Variants in RAPSN observed in about 807,000 individuals in gnomAD.
The protein encoded by RAPSN is 43 kDa receptor-associated protein of the synapse.
Under a neutral mutation model 45.7 loss-of-function variants are expected in RAPSN, and 33 were observed. The ratio of observed to expected loss-of-function variants is 0.72; its 90% CI spans 0.55 to 0.97. RAPSN has a LOEUF of 0.97. Among genes scored for constraint, RAPSN ranks in the 50% least tolerant of loss-of-function variants. RAPSN has a pLI of 0.00. For missense variants in RAPSN, 519 were observed against 559.4 expected (o/e 0.93, Z 0.73); for synonymous variants, 244 against 233.6 (o/e 1.04, Z -0.40).
chr11:47,438,412 TC>T (rs1209130469), intron 7 of RAPSN: 2 of 566,952 alleles, frequency 3.5e-6, no homozygotes, highest in Non-Finnish European at 6.3e-6. Context: ...AGCCTCTGCC[TC>T]CCGGGTTCAA....
intron 2 of RAPSN, among the ~76,000 whole-genome samples, chr11:47,446,546 G>C (rs1009862705): frequency 2.6e-5 from 4 of 152,084 alleles, no homozygotes; most frequent in Middle Eastern, 6.8e-3. Flanking sequence ...GCATCTACTG[G>C]GGCCAGGCAT....
chr11:47,448,867 A>G lies in RAPSN; in HGVS notation c.98T>C (p.Leu33Pro). The stretch of plus-strand genomic sequence containing the variant: ...CCCCATGAGGTCCGAGCTCTTCTCC[A>G]GCACCTTTGTCCACACCTGCAATGC... ...EKALQVWTKV[L>P]EKSSDLMGRF... The change falls in exon 1 of 8, where the codon CTG (leucine) becomes CCG (proline). Residue 33 changes from leucine (L) to proline (P), a missense_variant. By Grantham distance (98) the Leu-to-Pro change is moderately conservative. Coordinates refer to ENST00000298854, the MANE Select transcript of RAPSN (RefSeq NM_005055.5). The G allele has an allele frequency of 6.2e-7, 1 of 1,614,186 alleles. No homozygotes were observed. Among genetic ancestry groups the G allele is most frequent in the Non-Finnish European group, 8.5e-7 (1 of 1,180,034 alleles).
At chr11:47,441,267 T>G in intron 5 of RAPSN, 55 bp from the exon 6 acceptor site, 1 of 1,605,288 alleles carries the variant, frequency 6.2e-7, no homozygotes, top group South Asian at 1.1e-5. Flanking sequence ...CAGGCCTTGC[T>G]CACAGGGAAG....
At chr11:47,447,719 G>T (rs1317650236) in intron 2 of RAPSN, 93 bp downstream of exon 2, 4 of 1,380,058 alleles carry the variant, frequency 2.9e-6, no homozygotes, top group Non-Finnish European at 4.0e-6. Context: ...TCCCTAAAAG[G>T]AGGGCTGAAT....
At chr11:47,441,287 G>A in intron 5 of RAPSN, 75 bp from the exon 6 acceptor site, 8 of 1,579,444 alleles carry the variant, frequency 5.1e-6, no homozygotes, top group Non-Finnish European at 6.9e-6. Context: ...GCACAGGGTA[G>A]GGGGGCAGGC....
intron 2 of RAPSN, among the ~76,000 whole-genome samples, chr11:47,445,756 T>C (rs1280713943): frequency 6.6e-6 from 1 of 152,158 alleles, no homozygotes; most frequent in Non-Finnish European, 1.5e-5. Context: ...GAAACTAAGA[T>C]TTTTCATCTA....
chr11:47,441,773 G>T (rs537617339), intron 4 of RAPSN, 40 bp from the exon 5 acceptor site: 2 of 1,598,918 alleles, frequency 1.3e-6, no homozygotes, highest in Non-Finnish European at 1.7e-6. Flanking sequence ...GCTGTATCAG[G>T]CCTGTGCCCC....
intron 1 of RAPSN, among the ~76,000 whole-genome samples, 200 bp from the exon 2 acceptor site, chr11:47,448,350 C>A (rs1037607959): frequency 2.0e-5 from 3 of 152,124 alleles, no homozygotes; most frequent in Admixed American, 6.6e-5. Flanking sequence ...CCCAGCCTCA[C>A]CTCCCAAGCT....
At position 47,437,990 on chromosome 11, in the gene RAPSN, C is replaced by A. The variant is rs1245755651; in HGVS notation, c.1224G>T (p.Lys408Asn). 2.6e-6 allele frequency: 4 copies of A among 1,550,778 alleles called. No individual in the cohort carries two copies. Among genetic ancestry groups the A allele is most frequent in the South Asian group, 2.4e-5 (2 of 84,020 alleles). Residue 408 changes from lysine (K) to asparagine (N), a missense_variant, in exon 8 of 8, where the codon AAG (lysine) becomes AAT (asparagine). Physicochemically the swap from Lys to Asn is moderately conservative, Grantham distance 94 (BLOSUM62 0). Transcript: ENST00000298854. ...CTGCCAGGAGTCATACAAAGCCAGG[C>A]TTCATGGATGAGCGGCGGCAGTTGG... ...SCPNCRRSSM[K>N]PGFV
At chr11:47,445,039 T>C (rs2076394187) in intron 2 of RAPSN, among the ~76,000 whole-genome samples, 1 of 151,022 alleles carries the variant, frequency 6.6e-6, no homozygotes, top group Non-Finnish European at 1.5e-5. Flanking sequence ...CTGGCTAACA[T>C]GGTGAAACCC....
In RAPSN at chr11:47,449,095, C is replaced by G. The variant is rs1029855519; in HGVS notation, c.-131G>C. 2 of 1,104,406 alleles carry G rather than the reference C, an allele frequency of 1.8e-6. No homozygotes were observed. The highest frequency in any genetic ancestry group is 2.7e-6 in the Non-Finnish European group (2 of 743,110). The allele number at this position is 1,104,406 out of a possible 1,614,324, so 68.4% of individuals were successfully genotyped here. On this transcript the variant is annotated 5_prime_UTR_variant, in exon 1 of 8. Transcript: ENST00000298854. ...AACAAAAGCAGCGTCGGGTGGGAGC[C>G]GGAATGGGGCCTGGATGGAGAGCAG...
At chr11:47,448,653 C>T in intron 1 of RAPSN, 120 bp downstream of exon 1, 3 of 1,296,224 alleles carry the variant, frequency 2.3e-6, no homozygotes, top group Non-Finnish European at 2.1e-6. Flanking sequence ...GAGCCTCGGG[C>T]CCTGGCTGCC....
At chr11:47,442,107 G>C (rs1595899014) in intron 3 of RAPSN, among the ~76,000 whole-genome samples, 186 bp from the exon 4 acceptor site, 1 of 152,216 alleles carries the variant, frequency 6.6e-6, no homozygotes. Context: ...AAGGTGGGTG[G>C]AAAGTGAGGC....
At position 47,448,769 on chromosome 11, in the gene RAPSN, C is replaced by T. The variant is rs1266847102; in HGVS notation, c.192+4G>A. ...TCGAACGCCCCCAGGCCGGGTACACCCACCTTCAGCATCTCCTTGTAGCGG... is the reference window on the plus strand; with the variant it reads ...TCGAACGCCCCCAGGCCGGGTACACTCACCTTCAGCATCTCCTTGTAGCGG... On this transcript the variant is annotated splice_donor_region_variant and intron_variant, in intron 1 of 7. Coordinates refer to ENST00000298854, the MANE Select transcript of RAPSN (RefSeq NM_005055.5). 1 of 1,608,624 alleles carries T rather than the reference C, an allele frequency of 6.2e-7. No homozygotes were observed. Among genetic ancestry groups the T allele is most frequent in the Non-Finnish European group, 8.5e-7 (1 of 1,179,958 alleles).
intron 2 of RAPSN, among the ~76,000 whole-genome samples, chr11:47,443,955 AAAAAGAAAAG>A (rs1230756646): frequency 2.7e-5 from 4 of 147,988 alleles, no homozygotes; most frequent in Non-Finnish European, 6.0e-5. Flanking sequence ...AAAAAAAAAA[AAAAAGAAAAG>A]AAAAGAAAAG....
Position 47,448,247 on chromosome 11 carries a change from C to T in RAPSN, c.193-97G>A. On this transcript the variant is annotated intron_variant, in intron 1 of 7. Transcript: ENST00000298854. Reference sequence around the variant, plus strand: ...GGCTCAGACCTGGAGGCCCCACACCCACCCCCCAGCCTCACACCCAAAGCA... The same window carrying T: ...GGCTCAGACCTGGAGGCCCCACACCTACCCCCCAGCCTCACACCCAAAGCA... 5.4e-6 allele frequency: 7 copies of T among 1,284,520 alleles called. No individual in the cohort carries two copies. The South Asian group carries it at 7.3e-5, about 13-fold the overall frequency. The allele number at this position is 1,284,520 out of a possible 1,614,324, so 79.6% of individuals were successfully genotyped here. A position where few individuals can be genotyped will look rare whatever the true frequency, so the allele number is the denominator to read the frequency against.
intron 2 of RAPSN, among the ~76,000 whole-genome samples, chr11:47,444,307 T>A (rs563611405): frequency 6.6e-6 from 1 of 150,600 alleles, no homozygotes; most frequent in African/African-American, 2.4e-5. Flanking sequence ...GGAAGCTGAG[T>A]TGGGAGAACA....
intron 7 of RAPSN, chr11:47,438,379 G>A (rs982633128): frequency 3.5e-6 from 2 of 571,312 alleles, no homozygotes; most frequent in Non-Finnish European, 6.2e-6. Context: ...TGAAAAGAAT[G>A]GCCACAGATC....
intron 2 of RAPSN, among the ~76,000 whole-genome samples, chr11:47,445,338 G>A (rs1347306964): frequency 1.3e-5 from 2 of 148,824 alleles, no homozygotes; most frequent in African/African-American, 2.5e-5. Context: ...GGCTCACACC[G>A]GTAATCCCAG....
Sources: gnomAD v4.1 joint callset for allele counts (sites outside exome capture counted in the v4.1 genomes callset) on GRCh38, gnomAD v4.1.1 for gene constraint, MANE v1.5 for transcripts, NCBI Gene and HGNC (gene_info 2026-07-23, HGNC 2026-07-21) for gene names.